The following NALCN variants were observed in gnomAD, a reference collection of about 807,000 sequenced individuals.
NALCN encodes sodium leak channel NALCN.
Under a neutral mutation model 225.3 loss-of-function variants are expected in NALCN, and 111 were observed. The ratio of observed to expected loss-of-function variants is 0.49; its 90% CI spans 0.42 to 0.58. The LOEUF (loss-of-function observed/expected upper bound fraction) is 0.58. Among genes scored for constraint, NALCN ranks in the 20% least tolerant of loss-of-function variants. The pLI is 0.00. For synonymous variants in NALCN, 764 were observed against 769.0 expected, an observed-to-expected ratio of 0.99 and a Z score of 0.11; for missense variants, 1,378 against 2,202.4, an observed-to-expected ratio of 0.63 and a Z score of 7.49.
chr13:101,278,933 A>G (rs2043054748), intron 10 of NALCN, among the ~76,000 whole-genome samples: 1 of 152,214 alleles, frequency 6.6e-6, no homozygotes, highest in Non-Finnish European at 1.5e-5. Flanking sequence ...CTTCTAAGCG[A>G]GAGGTCAAAT....
chr13:101,249,587 TAAAA>T (rs2042001654), intron 11 of NALCN, among the ~76,000 whole-genome samples: 1 of 152,178 alleles, frequency 6.6e-6, no homozygotes, highest in Non-Finnish European at 1.5e-5. Context: ...TTCAGGAATC[TAAAA>T]TAGTTTCAGT....
intron 15 of NALCN, among the ~76,000 whole-genome samples, chr13:101,168,864 A>G (rs2038579379): frequency 6.6e-6 from 1 of 152,128 alleles, no homozygotes; most frequent in Admixed American, 6.5e-5. Flanking sequence ...GTGTCGAGAA[A>G]GCCACTCTGT....
chr13:101,237,761 G>A lies in NALCN; in HGVS notation c.1428C>T (p.Tyr476=), dbSNP rs376350369. Residue 476 remains tyrosine, a synonymous_variant, in exon 12 of 44, where the codon TAC becomes TAT. Transcript: ENST00000251127. Reference sequence around the variant, plus strand: ...TAGGCATTATTTTTATTACCTGAAAGTACGTGAATTGTGAATGATAAAGAT... The same window carrying A: ...TAGGCATTATTTTTATTACCTGAAAATACGTGAATTGTGAATGATAAAGAT... ...YPDLYHSQFT[Y]FQVLRVVRLI... 4 of 1,570,792 alleles carry A rather than the reference G, an allele frequency of 2.5e-6. No individual in the cohort carries two copies. Among genetic ancestry groups the A allele is most frequent in the Non-Finnish European group, 1.7e-6 (2 of 1,162,624 alleles).
intron 3 of NALCN, among the ~76,000 whole-genome samples, chr13:101,381,831 A>G (rs2046856314): frequency 6.6e-6 from 1 of 151,826 alleles, no homozygotes; most frequent in African/African-American, 2.4e-5. Context: ...TAAATGAACA[A>G]ATGTTTTTTA....
chr13:101,399,230 C>T, intron 1 of NALCN, 65 bp from the exon 2 acceptor site: 1 of 1,141,264 alleles, frequency 8.8e-7, no homozygotes, highest in Non-Finnish European at 1.3e-6. Flanking sequence ...AATTGAGTTC[C>T]CCACATATAT....
intron 3 of NALCN, among the ~76,000 whole-genome samples, chr13:101,384,738 C>A (rs1399816078): frequency 6.6e-6 from 1 of 152,156 alleles, no homozygotes; most frequent in African/African-American, 2.4e-5. Context: ...CAAATAGTTT[C>A]TTTTCACCTC....
intron 9 of NALCN, among the ~76,000 whole-genome samples, chr13:101,286,728 T>A (rs2043351279): frequency 6.6e-6 from 1 of 152,140 alleles, no homozygotes; most frequent in Admixed American, 6.5e-5. Flanking sequence ...TGATGTAATT[T>A]TCCTTTCTCA....
At chr13:101,194,118 T>C (rs1028353852) in intron 13 of NALCN, among the ~76,000 whole-genome samples, 4 of 152,198 alleles carry the variant, frequency 2.6e-5, no homozygotes, top group Non-Finnish European at 4.4e-5. Context: ...TTCTCATCTG[T>C]TGCATTACAT....
intron 33 of NALCN, among the ~76,000 whole-genome samples, chr13:101,081,919 C>T (rs1010431230): frequency 4.6e-5 from 7 of 151,988 alleles, no homozygotes; most frequent in Admixed American, 2.0e-4. Flanking sequence ...GCTCTGTCAC[C>T]CAGGCTGGAG....
rs1248402479 is a variant in NALCN, at chr13:101,104,712, G to C, written c.2637-62C>G. On this transcript the variant is annotated intron_variant, in intron 23 of 43. Coordinates refer to ENST00000251127, the MANE Select transcript of NALCN (RefSeq NM_052867.4). This position sits in a 1 kb window ranked among gnomAD's most constrained non-coding sequence, Gnocchi z 4.2. ...TTCCAGGAAAGGCTTCTAAGAGTTA[G>C]AGATGATGGCTTCTGTGGCTCTATC... 2.5e-6 allele frequency: 4 copies of C among 1,603,410 alleles called. No individual in the cohort carries two copies. The highest frequency in any genetic ancestry group is 1.7e-5 in the Admixed American group (1 of 59,058).
At chr13:101,307,279 C>G (rs970988150) in intron 7 of NALCN, among the ~76,000 whole-genome samples, 2 of 152,160 alleles carry the variant, frequency 1.3e-5, no homozygotes, top group Admixed American at 1.3e-4. Flanking sequence ...AACTGTTGGC[C>G]ACAAACCCAG....
chr13:101,073,679 T>C lies in NALCN; in HGVS notation c.4104-2A>G. 6.2e-7 allele frequency: 1 copy of C among 1,610,130 alleles called. No homozygotes were observed. On this transcript the variant is annotated splice_acceptor_variant, in intron 36 of 43. Coordinates refer to ENST00000251127, the MANE Select transcript of NALCN (RefSeq NM_052867.4). LOFTEE classifies it high-confidence loss of function. ...CCAGCCGAAGAAAAATTTGCATGCC[T>C]AATTTAAGAAAAAAAAATTAACAGA...
intron 12 of NALCN, among the ~76,000 whole-genome samples, chr13:101,231,133 A>C (rs1430719681): frequency 6.6e-6 from 1 of 152,090 alleles, no homozygotes; most frequent in Non-Finnish European, 1.5e-5. Flanking sequence ...ACGACAACAA[A>C]ATTGCCTAAC....
At chr13:101,105,096 T>G (rs1352645201) in intron 22 of NALCN, 146 bp from the exon 23 acceptor site, 1 of 630,340 alleles carries the variant, frequency 1.6e-6, no homozygotes, top group Admixed American at 2.9e-5. Flanking sequence ...TAACTGTAGG[T>G]AACTCTGGAG....
chr13:101,390,084 A>G (rs551713319), intron 3 of NALCN, among the ~76,000 whole-genome samples: 2 of 152,312 alleles, frequency 1.3e-5, no homozygotes, highest in African/African-American at 4.8e-5. Flanking sequence ...TCTGTCTCAA[A>G]AAATAATAAA....
intron 17 of NALCN, among the ~76,000 whole-genome samples, chr13:101,139,515 G>C (rs1203881254): frequency 6.6e-6 from 1 of 151,988 alleles, no homozygotes; most frequent in Non-Finnish European, 1.5e-5. Flanking sequence ...GAGAATCACC[G>C]ATAAACCAGC....
intron 3 of NALCN, among the ~76,000 whole-genome samples, chr13:101,382,173 C>A (rs1880424387): frequency 6.6e-6 from 1 of 151,998 alleles, no homozygotes; most frequent in South Asian, 2.1e-4. Flanking sequence ...TTTAATTGCT[C>A]ATAATTTGCT....
At chr13:101,277,839 A>G (rs2043016186) in intron 10 of NALCN, among the ~76,000 whole-genome samples, 1 of 152,220 alleles carries the variant, frequency 6.6e-6, no homozygotes, top group South Asian at 2.1e-4. Context: ...TGTGGAGACA[A>G]TATGGAGAGT....
intron 17 of NALCN, among the ~76,000 whole-genome samples, chr13:101,134,043 G>A (rs1019112446): frequency 1.9e-4 from 29 of 152,182 alleles, no homozygotes; most frequent in Admixed American, 1.9e-3. Context: ...GGTGGCGGGC[G>A]CCTGTAGTCC....
Sources: allele counts gnomAD v4.1 joint callset (sites outside exome capture counted in the v4.1 genomes callset), GRCh38; gene constraint gnomAD v4.1.1; non-coding constraint Gnocchi (gnomAD v3.1); transcripts MANE v1.5; gene names NCBI Gene and HGNC (gene_info 2026-07-23, HGNC 2026-07-21).